Variants in VSTM4 observed in about 807,000 individuals in gnomAD.
VSTM4 encodes the protein V-set and transmembrane domain-containing protein 4.
A neutral mutation model predicts 36.4 loss-of-function variants in VSTM4; 20 were observed. That is an observed-to-expected ratio of 0.55 (90% CI 0.39 to 0.80). The LOEUF (loss-of-function observed/expected upper bound fraction) is 0.80, where lower values mean the gene tolerates loss of function less well. Ranked by LOEUF, VSTM4 falls within the 30% of genes least tolerant of loss-of-function variation. VSTM4 has a pLI of 0.00. For missense variants in VSTM4, 392 were observed against 404.5 expected, an observed-to-expected ratio of 0.97 and a Z score of 0.26; for synonymous variants, 182 against 173.9, an observed-to-expected ratio of 1.05 and a Z score of -0.37.
At chr10:49,068,366 G>A (rs747968007) in intron 4 of VSTM4, among the ~76,000 whole-genome samples, 1 of 152,168 alleles carries the variant, frequency 6.6e-6, no homozygotes, top group Non-Finnish European at 1.5e-5. Flanking sequence ...GGAATGCAGG[G>A]AACAGTAGAG....
intron 5 of VSTM4, among the ~76,000 whole-genome samples, chr10:49,057,622 G>T (rs1445655199): frequency 1.3e-5 from 2 of 152,180 alleles, no homozygotes; most frequent in Non-Finnish European, 2.9e-5. Flanking sequence ...TCCCACCCCT[G>T]CCTGGAGGGC....
At chr10:49,033,222 G>C (rs1843373685) in intron 7 of VSTM4, among the ~76,000 whole-genome samples, 1 of 152,190 alleles carries the variant, frequency 6.6e-6, no homozygotes. Flanking sequence ...GAATGAGGTA[G>C]ATCTATACGT....
chr10:49,032,664 G>T (rs912040608), intron 7 of VSTM4, among the ~76,000 whole-genome samples: 10 of 152,126 alleles, frequency 6.6e-5, no homozygotes, highest in African/African-American at 7.2e-5. Context: ...ACCCCCATCT[G>T]CCTGGCCTCA....
chr10:49,107,471 AG>A (rs2132026648), intron 2 of VSTM4, 122 bp downstream of exon 2: 1 of 1,250,284 alleles, frequency 8.0e-7, no homozygotes, highest in Non-Finnish European at 1.1e-6. Flanking sequence ...TGACCAACAG[AG>A]GCCCACAAGA....
At chr10:49,108,863 C>G (rs538700037) in intron 1 of VSTM4, among the ~76,000 whole-genome samples, 102 of 152,222 alleles carry the variant, frequency 6.7e-4, no homozygotes, top group African/African-American at 2.1e-3. Context: ...ACTCCACCAC[C>G]CAGACCAGTA....
intron 7 of VSTM4, among the ~76,000 whole-genome samples, chr10:49,029,715 G>T (rs182462459): frequency 1.7e-3 from 254 of 152,344 alleles, no homozygotes; most frequent in African/African-American, 5.9e-3. Context: ...GGCATGAATT[G>T]TTTGAGGTTT....
intron 7 of VSTM4, 85 bp downstream of exon 7, chr10:49,046,898 T>C: frequency 1.5e-6 from 2 of 1,336,980 alleles, no homozygotes; most frequent in Non-Finnish European, 2.1e-6. Context: ...TTCTGTATGT[T>C]TTGAGTTAAT....
At chr10:49,070,483 C>G (rs1022500074) in intron 4 of VSTM4, among the ~76,000 whole-genome samples, 1 of 152,158 alleles carries the variant, frequency 6.6e-6, no homozygotes, top group Non-Finnish European at 1.5e-5. Context: ...AGGGCCTTCA[C>G]TTGTCTGAGC....
intron 7 of VSTM4, among the ~76,000 whole-genome samples, chr10:49,041,033 C>A (rs12770345): frequency 0.1 from 15,832 of 152,206 alleles, 1,092 homozygotes; most frequent in South Asian, 0.22. Context: ...TCTAAATTAT[C>A]CACTAACTTT....
chr10:49,059,226 T>C (rs1843833554), intron 5 of VSTM4, among the ~76,000 whole-genome samples: 1 of 152,196 alleles, frequency 6.6e-6, no homozygotes. Flanking sequence ...GGTCCTGGGA[T>C]GGAGGTAGAG....
intron 2 of VSTM4, among the ~76,000 whole-genome samples, chr10:49,100,887 T>C (rs778114456): frequency 9.2e-5 from 14 of 152,152 alleles, no homozygotes; most frequent in Non-Finnish European, 1.3e-4. Flanking sequence ...CATTTAAATA[T>C]AGGGATTTAG....
intron 5 of VSTM4, among the ~76,000 whole-genome samples, chr10:49,052,280 CA>C (rs1408373647): frequency 3.9e-5 from 6 of 152,134 alleles, no homozygotes; most frequent in Admixed American, 1.3e-4. Context: ...CACCACTTGT[CA>C]ATTTTTTTAA....
In VSTM4 at chr10:49,070,274, A is replaced by AAG. The variant is rs1041621086; in HGVS notation, c.635-5539_635-5538insCT. Reference sequence around the variant, plus strand: ...TCTCAAAAAAAAAAAAAAAAAAAAAAAAAAAGAAATATGACATATCTCATT... The same window carrying AAG: ...TCTCAAAAAAAAAAAAAAAAAAAAAAAGAAAAAGAAATATGACATATCTCATT... On this transcript the variant is annotated intron_variant, in intron 4 of 7. Coordinates refer to ENST00000332853, the MANE Select transcript of VSTM4 (RefSeq NM_001031746.5). Among the ~76,000 whole-genome samples, 5 of 151,760 alleles carry AAG rather than the reference A, an allele frequency of 3.3e-5. 2 individuals are homozygous for AAG. The highest frequency in any genetic ancestry group is 7.4e-5 in the Non-Finnish European group (5 of 67,880).
At chr10:49,057,328 G>A (rs1454152743) in intron 5 of VSTM4, among the ~76,000 whole-genome samples, 1 of 152,206 alleles carries the variant, frequency 6.6e-6, no homozygotes, top group Non-Finnish European at 1.5e-5. Flanking sequence ...GCCTTGCAGA[G>A]TTTTTCTGAG....
At position 49,015,163 on chromosome 10, in the gene VSTM4, C is replaced by G. The variant is rs1843085903; in HGVS notation, c.*4487G>C. On this transcript the variant is annotated 3_prime_UTR_variant, in exon 8 of 8. Transcript: ENST00000332853. Reference sequence around the variant, plus strand: ...TTGAGACGGAATCTCACTCTATTGCCCAGGCTGGAGTGCAGCAGCACGATC... The same window carrying G: ...TTGAGACGGAATCTCACTCTATTGCGCAGGCTGGAGTGCAGCAGCACGATC... The G allele has an allele frequency of 6.7e-6, 1 of 148,896 alleles. No homozygotes were observed. Among genetic ancestry groups the G allele is most frequent in the Admixed American group, 6.8e-5 (1 of 14,724 alleles). 9.2% of individuals were successfully genotyped at this position (148,896 alleles called of 1,614,324 possible). A position where few individuals can be genotyped will look rare whatever the true frequency, so the allele number is the denominator to read the frequency against.
chr10:49,059,891 G>C (rs1197284701), intron 5 of VSTM4, among the ~76,000 whole-genome samples: 1 of 152,140 alleles, frequency 6.6e-6, no homozygotes, highest in African/African-American at 2.4e-5. Context: ...CTCAGCTGTA[G>C]GAAACCACTA....
intron 3 of VSTM4, among the ~76,000 whole-genome samples, chr10:49,081,883 C>A (rs1162720001): frequency 6.6e-6 from 1 of 152,206 alleles, no homozygotes. Context: ...TCAGAAAGAC[C>A]ACCTGAGTTC....
chr10:49,025,996 A>G (rs1252098239), intron 7 of VSTM4, among the ~76,000 whole-genome samples: 1 of 152,226 alleles, frequency 6.6e-6, no homozygotes, highest in Non-Finnish European at 1.5e-5. Context: ...CCTGAGGAAG[A>G]GACTGGGCTG....
intron 7 of VSTM4, among the ~76,000 whole-genome samples, chr10:49,033,231 G>A (rs372731038): frequency 7.2e-5 from 11 of 152,288 alleles, no homozygotes; most frequent in South Asian, 4.1e-4. Context: ...AGATCTATAC[G>A]TACTGATGTA....
Sources: allele counts gnomAD v4.1 joint callset (sites outside exome capture counted in the v4.1 genomes callset), GRCh38; gene constraint gnomAD v4.1.1; transcripts MANE v1.5; gene names NCBI Gene and HGNC (gene_info 2026-07-23, HGNC 2026-07-21).